SYT16: variants seen among roughly 807,000 people sequenced by gnomAD.
SYT16 encodes synaptotagmin 16, also known as synaptotagmin-16.
A neutral mutation model predicts 61.4 loss-of-function variants in SYT16; 42 were observed. The ratio of observed to expected loss-of-function variants is 0.68; its 90% CI spans 0.53 to 0.89. SYT16 has a LOEUF of 0.89. Ranked by LOEUF, SYT16 falls within the 40% of genes least tolerant of loss-of-function variation. The pLI, the probability that SYT16 is intolerant of heterozygous loss-of-function variation, is 0.00. For synonymous variants in SYT16, 314 were observed against 302.3 expected, an observed-to-expected ratio of 1.04 and a Z score of -0.40; for missense variants, 804 against 807.3, an observed-to-expected ratio of 1.00 and a Z score of 0.05.
intron 2 of SYT16, among the ~76,000 whole-genome samples, chr14:61,992,040 T>TA (rs2052574233): frequency 6.6e-6 from 1 of 152,092 alleles, no homozygotes; most frequent in Non-Finnish European, 1.5e-5. Flanking sequence ...CTACAAAGTA[T>TA]AAGCACAGCC....
chr14:62,072,752 A>G (rs551192403), intron 4 of SYT16, among the ~76,000 whole-genome samples: 30 of 152,330 alleles, frequency 2.0e-4, no homozygotes, highest in African/African-American at 6.5e-4. Context: ...TTGCCATCAC[A>G]GATGGTAAGC....
Position 61,961,809 on chromosome 14 carries a change from G to A in SYT16, c.-324-8323G>A, listed in dbSNP as rs955368564. On this transcript the variant is annotated intron_variant, in intron 1 of 7. Transcript: ENST00000683842. ...ATAAATTATTCTACCATAAAGATAC[G>A]TGCATGCATATGTTCATTGCAGCAC... Among the ~76,000 whole-genome samples the A allele has an allele frequency of 1.1e-4, 16 of 152,142 alleles. No homozygotes were observed. The East Asian group carries it at 1.7e-3, about 17-fold the overall frequency.
intron 1 of SYT16, among the ~76,000 whole-genome samples, chr14:61,916,549 A>G (rs1230193155): frequency 2.0e-5 from 3 of 152,156 alleles, no homozygotes; most frequent in Admixed American, 6.5e-5. Flanking sequence ...GGTGATTCAG[A>G]TATCTATCAC....
chr14:62,051,652 T>G (rs1013333413), intron 3 of SYT16, among the ~76,000 whole-genome samples: 2 of 152,252 alleles, frequency 1.3e-5, no homozygotes, highest in African/African-American at 4.8e-5. Flanking sequence ...GCATAGTTGC[T>G]TAAACTTATT....
chr14:61,943,631 C>T (rs146758222), intron 1 of SYT16, among the ~76,000 whole-genome samples: 6,342 of 152,222 alleles, frequency 0.042, 230 homozygotes, highest in African/African-American at 0.099. Context: ...GTGACAAAAA[C>T]CACATGATTA....
At chr14:62,088,518 T>G (rs769304620) in intron 7 of SYT16, among the ~76,000 whole-genome samples, 3 of 152,238 alleles carry the variant, frequency 2.0e-5, no homozygotes, top group African/African-American at 7.2e-5. Context: ...TTAAAATTTT[T>G]TATCTATATA....
intron 2 of SYT16, among the ~76,000 whole-genome samples, chr14:61,970,584 G>A (rs1302243842): frequency 1.3e-5 from 2 of 152,176 alleles, no homozygotes; most frequent in African/African-American, 2.4e-5. Context: ...TTAGTCTCAT[G>A]ATGTTAGAAC....
chr14:61,882,955 G>A lies in SYT16; in HGVS notation c.-325+70145G>A, dbSNP rs371762836. 4.6e-5 allele frequency among the ~76,000 whole-genome samples: 7 copies of A among 152,320 alleles called. 1 individual carries two copies. The highest frequency in any genetic ancestry group is 1.7e-4 in the African/African-American group (7 of 41,574). ...GACTCCATGTCTCACATCCAAGGTG[G>A]CGTGGGACTTGCACCCTCTGAAGCA... On this transcript the variant is annotated intron_variant, in intron 1 of 7. Coordinates refer to ENST00000683842, the MANE Select transcript of SYT16 (RefSeq NM_001367656.1).
intron 3 of SYT16, among the ~76,000 whole-genome samples, chr14:62,004,737 T>G (rs1268454744): frequency 2.0e-5 from 3 of 152,186 alleles, no homozygotes; most frequent in Non-Finnish European, 4.4e-5. Context: ...ACCTCATTAC[T>G]GTGGAGGCAG....
At chr14:61,991,348 G>GTCTGTGTT (rs2052544101) in intron 2 of SYT16, among the ~76,000 whole-genome samples, 1 of 151,702 alleles carries the variant, frequency 6.6e-6, no homozygotes, top group Admixed American at 6.6e-5. Flanking sequence ...GTGTGTGTGT[G>GTCTGTGTT]TGTGTGTGTG....
At position 61,972,913 on chromosome 14, in the gene SYT16, T is replaced by A. The variant is rs556093667; in HGVS notation, c.-145+2602T>A. On this transcript the variant is annotated intron_variant, in intron 2 of 7. Coordinates refer to ENST00000683842, the MANE Select transcript of SYT16 (RefSeq NM_001367656.1). ...GCTTCTCCCATTCTCATTCTGTGAT[T>A]CTGTTTGGTTCTTAGGGTTACCATA... Among the ~76,000 whole-genome samples, 167 of 152,328 alleles carry A rather than the reference T, an allele frequency of 1.1e-3. 1 individual carries two copies. The highest frequency in any genetic ancestry group is 2.0e-3 in the Non-Finnish European group (139 of 68,018).
At chr14:62,088,034 A>G (rs549819831) in intron 7 of SYT16, among the ~76,000 whole-genome samples, 2 of 152,316 alleles carry the variant, frequency 1.3e-5, no homozygotes, top group African/African-American at 2.4e-5. Flanking sequence ...AAATGGAACA[A>G]CCACTTTGGG....
chr14:61,890,702 T>A (rs2048092842), intron 1 of SYT16, among the ~76,000 whole-genome samples: 1 of 152,156 alleles, frequency 6.6e-6, no homozygotes, highest in African/African-American at 2.4e-5. Flanking sequence ...AAATTGCGTA[T>A]GTTAGTAAAT....
rs1235147683 is a variant in SYT16, at chr14:62,108,891, TAG to T, written c.*8187_*8188del. On this transcript the variant is annotated 3_prime_UTR_variant, in exon 8 of 8. Coordinates refer to ENST00000683842, the MANE Select transcript of SYT16 (RefSeq NM_001367656.1). ...TAAGAAATTAATAAATTTTATTTTT[TAG>T]AGTTTTAGGTTCACAGCAAAATTGA... 6.6e-6 allele frequency: 1 copy of T among 152,192 alleles called. No individual in the cohort carries two copies. Among genetic ancestry groups the T allele is most frequent in the Non-Finnish European group, 1.5e-5 (1 of 68,030 alleles). The allele number at this position is 152,192 out of a possible 1,614,324, so 9.4% of individuals were successfully genotyped here.
intron 3 of SYT16, among the ~76,000 whole-genome samples, chr14:62,069,159 C>T (rs1049368024): frequency 8.5e-5 from 13 of 152,124 alleles, no homozygotes; most frequent in African/African-American, 2.7e-4. Context: ...ATTCCTTCTC[C>T]GAAGTGGGGA....
chr14:61,826,001 A>G (rs2045759820), intron 1 of SYT16, among the ~76,000 whole-genome samples: 5 of 152,232 alleles, frequency 3.3e-5, no homozygotes, highest in Admixed American at 3.3e-4. Flanking sequence ...GTGCTTTCAT[A>G]GTGCATCATT....
At chr14:62,024,879 TTATATAG>T (rs2054042673) in intron 3 of SYT16, among the ~76,000 whole-genome samples, 1 of 152,118 alleles carries the variant, frequency 6.6e-6, no homozygotes, top group African/African-American at 2.4e-5. Context: ...ATAGTTGGAC[TTATATAG>T]TATATAGGTG....
At chr14:62,047,630 T>G (rs1052655254) in intron 3 of SYT16, among the ~76,000 whole-genome samples, 1 of 150,564 alleles carries the variant, frequency 6.6e-6, no homozygotes, top group Non-Finnish European at 1.5e-5. Flanking sequence ...ATAGCTCTTA[T>G]TATTTTGAGA....
rs754480772 is a variant in SYT16, at chr14:62,069,827, C to T, written c.736+12C>T. On this transcript the variant is annotated intron_variant, in intron 4 of 7. Transcript: ENST00000683842. ...ATCTGCCTGCGAAGGTATCCTTTGC[C>T]TCACATCCTTTCTTTAGACCAGGGA... 1.7e-5 allele frequency: 28 copies of T among 1,612,766 alleles called. No homozygotes were observed. The highest frequency in any genetic ancestry group is 1.9e-5 in the Non-Finnish European group (23 of 1,179,502).
Sources: allele counts gnomAD v4.1 joint callset (sites outside exome capture counted in the v4.1 genomes callset), GRCh38; gene constraint gnomAD v4.1.1; transcripts MANE v1.5; gene names NCBI Gene and HGNC (gene_info 2026-07-23, HGNC 2026-07-21).